Variants in RNF150 observed in about 807,000 individuals in gnomAD.
RNF150 encodes the protein ring finger protein 150.
RNF150 carries 24 observed loss-of-function variants against 39.3 expected under a neutral mutation model. That is an observed-to-expected ratio of 0.61 (90% CI 0.44 to 0.86). The LOEUF (loss-of-function observed/expected upper bound fraction) is 0.86, where lower values mean the gene tolerates loss of function less well. Among genes scored for constraint, RNF150 ranks in the 40% least tolerant of loss-of-function variants. RNF150 has a pLI of 0.00. For missense variants in RNF150, 502 were observed against 587.8 expected, an observed-to-expected ratio of 0.85 and a Z score of 1.51; for synonymous variants, 255 against 227.3, an observed-to-expected ratio of 1.12 and a Z score of -1.10.
chr4:141,105,587 C>A (rs1412714583), intron 1 of RNF150, among the ~76,000 whole-genome samples: 3 of 152,154 alleles, frequency 2.0e-5, no homozygotes, highest in Admixed American at 2.0e-4. Flanking sequence ...ATCCTCATAT[C>A]AGAGCCATGC....
chr4:141,006,379 T>C (rs1194314198), intron 1 of RNF150, among the ~76,000 whole-genome samples: 1 of 152,138 alleles, frequency 6.6e-6, no homozygotes, highest in Non-Finnish European at 1.5e-5. Context: ...TAATCTCCTA[T>C]AAACTAATTG....
At chr4:141,195,126 A>ACACACACT (rs1298576172) in intron 1 of RNF150, among the ~76,000 whole-genome samples, 2 of 151,202 alleles carry the variant, frequency 1.3e-5, no homozygotes, top group African/African-American at 4.9e-5. Flanking sequence ...ACACACACAC[A>ACACACACT]CCTGTGCACA....
At chr4:141,014,639 CTTTTG>C (rs1272111910) in intron 1 of RNF150, among the ~76,000 whole-genome samples, 1 of 19,790 alleles carries the variant, frequency 5.1e-5, no homozygotes, top group Non-Finnish European at 4.0e-4. Context: ...TGCAACTCTT[CTTTTG>C]AGAAATGTCC....
intron 1 of RNF150, among the ~76,000 whole-genome samples, chr4:141,086,454 A>G (rs1187529609): frequency 6.6e-6 from 1 of 151,990 alleles, no homozygotes; most frequent in Non-Finnish European, 1.5e-5. Flanking sequence ...TTTAATTTGA[A>G]TTTTGTTCAG....
chr4:141,148,061 T>C (rs1288188393), intron 1 of RNF150, among the ~76,000 whole-genome samples: 1 of 152,196 alleles, frequency 6.6e-6, no homozygotes, highest in African/African-American at 2.4e-5. Context: ...AATTGGCTTA[T>C]TAAAATTATT....
chr4:141,132,617 G>C lies in RNF150; in HGVS notation c.192C>G (p.Gly64=). 6.5e-7 allele frequency: 1 copy of C among 1,539,752 alleles called. No homozygotes were observed. Among genetic ancestry groups the C allele is most frequent in the Non-Finnish European group, 8.7e-7 (1 of 1,146,200 alleles). ...CCGTCTTCTCCGTGTGCAGCTCCGC[G>C]CCGCCGCCGCCCGCCGCCCCGGCCC... is the stretch of plus-strand genomic sequence containing the variant. ...DPGAGAAGGG[G]AELHTEKTEC... is the part of the protein sequence containing the mutation. Residue 64 remains glycine, a synonymous_variant, in exon 1 of 7, where the codon GGC becomes GGG. Coordinates refer to ENST00000515673, the MANE Select transcript of RNF150 (RefSeq NM_020724.2). The surrounding 1 kb of genome is among the most constrained non-coding windows in gnomAD (Gnocchi z 4.9).
intron 1 of RNF150, among the ~76,000 whole-genome samples, chr4:141,070,930 C>A (rs1176500111): frequency 7.0e-6 from 1 of 141,898 alleles, no homozygotes; most frequent in African/African-American, 2.6e-5. Context: ...GACTCATGCA[C>A]ACGTATATTT....
chr4:141,142,477 A>G (rs1378412206), intron 1 of RNF150, among the ~76,000 whole-genome samples: 3 of 152,160 alleles, frequency 2.0e-5, no homozygotes, highest in African/African-American at 7.2e-5. Context: ...TGTTCTTCCA[A>G]CAACTTCATT....
At chr4:141,096,252 A>G (rs1343185781) in intron 1 of RNF150, among the ~76,000 whole-genome samples, 1 of 131,096 alleles carries the variant, frequency 7.6e-6, no homozygotes, top group Non-Finnish European at 1.5e-5. Flanking sequence ...GCTGGAGTAC[A>G]GTGGTGCAGT....
intron 6 of RNF150, among the ~76,000 whole-genome samples, chr4:140,906,492 G>A (rs967302732): frequency 3.9e-5 from 6 of 152,116 alleles, no homozygotes; most frequent in Non-Finnish European, 8.8e-5. Flanking sequence ...ATCTTTGGGG[G>A]AAAGGGGGTA....
intron 1 of RNF150, among the ~76,000 whole-genome samples, chr4:141,065,501 C>T (rs1171812322): frequency 6.6e-6 from 1 of 151,870 alleles, no homozygotes; most frequent in African/African-American, 2.4e-5. Flanking sequence ...GGGGTAACTG[C>T]TTAGTTAACT....
chr4:140,951,474 AT>A (rs1732536564), intron 2 of RNF150, among the ~76,000 whole-genome samples: 3 of 152,236 alleles, frequency 2.0e-5, no homozygotes, highest in Admixed American at 1.3e-4. Flanking sequence ...CTGTAGTTTA[AT>A]TTATAATCTA....
At chr4:141,163,865 T>C (rs1470373081) in intron 1 of RNF150, among the ~76,000 whole-genome samples, 1 of 151,978 alleles carries the variant, frequency 6.6e-6, no homozygotes, top group African/African-American at 2.4e-5. Flanking sequence ...AGTGCAAAAA[T>C]GCTGAAAATT....
intron 1 of RNF150, among the ~76,000 whole-genome samples, chr4:141,186,895 G>A (rs947099565): frequency 1.3e-5 from 2 of 152,020 alleles, no homozygotes; most frequent in African/African-American, 4.8e-5. Flanking sequence ...TCTTCTGCTA[G>A]TTTTTGCATT....
At chr4:140,957,600 C>T (rs1158620132) in intron 2 of RNF150, among the ~76,000 whole-genome samples, 10 of 152,022 alleles carry the variant, frequency 6.6e-5, no homozygotes, top group South Asian at 2.1e-4. Flanking sequence ...CACATGTACA[C>T]GTATGTTTAT....
intron 1 of RNF150, among the ~76,000 whole-genome samples, chr4:141,182,615 A>C (rs1727926520): frequency 1.0e-4 from 2 of 19,224 alleles, no homozygotes; most frequent in Admixed American, 1.2e-3. Context: ...TAGGAATCCA[A>C]CTTACAAGGG....
intron 1 of RNF150, among the ~76,000 whole-genome samples, chr4:141,205,808 AC>A (rs1165004359): frequency 3.9e-5 from 6 of 152,136 alleles, no homozygotes; most frequent in African/African-American, 1.4e-4. Context: ...ATTTTAATAA[AC>A]TATTTCCTAG....
At chr4:141,053,209 A>G (rs1215621589) in intron 1 of RNF150, among the ~76,000 whole-genome samples, 1 of 152,168 alleles carries the variant, frequency 6.6e-6, no homozygotes, top group Admixed American at 6.6e-5. Context: ...TCAATTGACA[A>G]TATTTCCTGA....
chr4:140,869,573 T>C (rs946456008), intron 6 of RNF150, among the ~76,000 whole-genome samples: 2 of 152,186 alleles, frequency 1.3e-5, no homozygotes, highest in African/African-American at 4.8e-5. Flanking sequence ...GGTGGGCAGG[T>C]TGACCATTTA....
Sources: allele counts gnomAD v4.1 joint callset (sites outside exome capture counted in the v4.1 genomes callset), GRCh38; gene constraint gnomAD v4.1.1; non-coding constraint Gnocchi (gnomAD v3.1); transcripts MANE v1.5; gene names NCBI Gene and HGNC (gene_info 2026-07-23, HGNC 2026-07-21).